Variants in PTPRN2 observed in about 807,000 individuals in gnomAD.
PTPRN2 encodes receptor-type tyrosine-protein phosphatase N2.
Under a neutral mutation model 118.8 loss-of-function variants are expected in PTPRN2, and 74 were observed. The observed-to-expected ratio is 0.62, with a 90% confidence interval of 0.52 to 0.76. The LOEUF is 0.76. Among genes scored for constraint, PTPRN2 ranks in the 30% least tolerant of loss-of-function variants. The pLI is 0.00. For synonymous variants in PTPRN2, 641 were observed against 608.0 expected, an observed-to-expected ratio of 1.05 and a Z score of -0.80; for missense variants, 1,481 against 1,394.4, an observed-to-expected ratio of 1.06 and a Z score of -0.99.
chr7:158,264,536 A>G (rs909963930), intron 3 of PTPRN2, among the ~76,000 whole-genome samples: 1 of 152,150 alleles, frequency 6.6e-6, no homozygotes, highest in African/African-American at 2.4e-5. Context: ...GTGCATGGGT[A>G]CCTGCAGCAG....
intron 7 of PTPRN2, among the ~76,000 whole-genome samples, chr7:158,137,219 T>C (rs867474417): frequency 4.6e-5 from 7 of 151,866 alleles, no homozygotes; most frequent in Non-Finnish European, 7.4e-5. Flanking sequence ...GAGTTGGAGA[T>C]CAGCCTGGCC....
intron 14 of PTPRN2, among the ~76,000 whole-genome samples, chr7:157,646,675 A>G (rs919479359): frequency 2.0e-5 from 3 of 152,154 alleles, no homozygotes; most frequent in Admixed American, 1.3e-4. Context: ...AGTCTCAGGT[A>G]CAGAACAGAG....
intron 9 of PTPRN2, among the ~76,000 whole-genome samples, chr7:158,125,665 A>G (rs569683688): frequency 6.6e-6 from 1 of 152,320 alleles, no homozygotes; most frequent in South Asian, 2.1e-4. Context: ...AGCAAGTGAC[A>G]AGGCAGGGCA....
At chr7:158,048,938 C>G (rs1585270316) in intron 11 of PTPRN2, among the ~76,000 whole-genome samples, 1 of 139,824 alleles carries the variant, frequency 7.2e-6, no homozygotes, top group East Asian at 2.3e-4. Flanking sequence ...TCACCAACAC[C>G]ATCATCACTA....
At chr7:157,985,011 C>T (rs1234751502) in intron 11 of PTPRN2, among the ~76,000 whole-genome samples, 1 of 152,148 alleles carries the variant, frequency 6.6e-6, no homozygotes, top group East Asian at 1.9e-4. Flanking sequence ...TTTCCAAATC[C>T]CACCTGCAGG....
intron 11 of PTPRN2, among the ~76,000 whole-genome samples, chr7:157,938,110 A>G (rs1799829676): frequency 6.6e-6 from 1 of 152,222 alleles, no homozygotes. Flanking sequence ...TGCAGGGCAC[A>G]GTGCTCTGGT....
chr7:158,538,877 G>A (rs962341440), intron 1 of PTPRN2, among the ~76,000 whole-genome samples: 2 of 152,104 alleles, frequency 1.3e-5, no homozygotes, highest in Non-Finnish European at 2.9e-5. Context: ...ATGAGGGAAC[G>A]AAGACACGAC....
At chr7:158,102,545 C>T (rs1005960179) in intron 10 of PTPRN2, among the ~76,000 whole-genome samples, 2 of 152,192 alleles carry the variant, frequency 1.3e-5, no homozygotes, top group African/African-American at 4.8e-5. Context: ...CACCTCCACA[C>T]GTTCATCAGT....
chr7:158,572,179 A>C (rs920790465), intron 1 of PTPRN2, among the ~76,000 whole-genome samples: 1 of 152,206 alleles, frequency 6.6e-6, no homozygotes, highest in African/African-American at 2.4e-5. Flanking sequence ...TATTCAGTAC[A>C]ATGTTCTGAA....
At position 158,126,372 on chromosome 7, in the gene PTPRN2, G is replaced by A. The variant is rs369742711; in HGVS notation, c.1556+7305C>T. Reference sequence around the variant, plus strand: ...GCCACACCATCCCCGGAGAGCGGGCGGCGGAACTTCCTCTCCGCCACACCA... The same window carrying A: ...GCCACACCATCCCCGGAGAGCGGGCAGCGGAACTTCCTCTCCGCCACACCA... On this transcript the variant is annotated intron_variant, in intron 9 of 22. Transcript: ENST00000389418. Among the ~76,000 whole-genome samples, 30 of 24,342 alleles carry A rather than the reference G, an allele frequency of 1.2e-3. 3 individuals carry two copies. Among genetic ancestry groups the A allele is most frequent in the Admixed American group, 2.9e-3 (6 of 2,066 alleles). 16.0% of individuals were successfully genotyped at this position (24,342 alleles called of 152,430 possible).
intron 3 of PTPRN2, among the ~76,000 whole-genome samples, chr7:158,310,211 T>C (rs1369127244): frequency 6.6e-6 from 1 of 152,170 alleles, no homozygotes; most frequent in East Asian, 1.9e-4. Context: ...CTGGGAAACT[T>C]GTTGAGGCTG....
chr7:158,425,343 C>A (rs1429995965), intron 2 of PTPRN2, among the ~76,000 whole-genome samples: 1 of 118,756 alleles, frequency 8.4e-6, no homozygotes, highest in Non-Finnish European at 1.7e-5. Context: ...CTGAGGCCTG[C>A]GCACCGCCGG....
chr7:158,037,762 C>T (rs768553429), intron 11 of PTPRN2, among the ~76,000 whole-genome samples: 28 of 152,120 alleles, frequency 1.8e-4, no homozygotes, highest in African/African-American at 5.3e-4. Context: ...ATAAATTTGA[C>T]AAGCTCATCT....
At chr7:158,125,222 A>G (rs1246409452) in intron 9 of PTPRN2, among the ~76,000 whole-genome samples, 2 of 132,042 alleles carry the variant, frequency 1.5e-5, no homozygotes, top group Non-Finnish European at 3.2e-5. Flanking sequence ...AGTCCCTCCC[A>G]GGGCTGCCCC....
At chr7:158,117,830 C>T (rs1816850203) in intron 9 of PTPRN2, among the ~76,000 whole-genome samples, 1 of 151,672 alleles carries the variant, frequency 6.6e-6, no homozygotes, top group Non-Finnish European at 1.5e-5. Context: ...CAAAATTGCA[C>T]TTCAAAAGTG....
chr7:158,220,173 AAAT>A (rs766563131), intron 3 of PTPRN2, among the ~76,000 whole-genome samples: 1 of 152,144 alleles, frequency 6.6e-6, no homozygotes, highest in Non-Finnish European at 1.5e-5. Context: ...ATATGCCTCA[AAAT>A]AATAAGATCC....
In PTPRN2 at chr7:158,544,101, C is replaced by T. The variant is rs1286523541; in HGVS notation, c.112+43457G>A. Among the ~76,000 whole-genome samples the T allele has an allele frequency of 6.6e-6, 1 of 152,170 alleles. No individual in the cohort carries two copies. The highest frequency in any genetic ancestry group is 1.5e-5 in the Non-Finnish European group (1 of 68,032). On this transcript the variant is annotated intron_variant, in intron 1 of 22. Transcript: ENST00000389418. The surrounding 1 kb of genome is among the most constrained non-coding windows in gnomAD (Gnocchi z 4.2). ...TGAGTGCCCCACGCTCAGGAGTGCA[C>T]CCGGTGGAGGGGGATATGTACACCC...
At chr7:158,176,508 G>T (rs986140126) in intron 5 of PTPRN2, among the ~76,000 whole-genome samples, 2 of 152,198 alleles carry the variant, frequency 1.3e-5, no homozygotes, top group Admixed American at 6.5e-5. Context: ...CACGCCGAGT[G>T]AACAGAGGAA....
chr7:158,404,942 C>A (rs1272511654), intron 2 of PTPRN2, among the ~76,000 whole-genome samples: 2 of 140,054 alleles, frequency 1.4e-5, no homozygotes, highest in Non-Finnish European at 3.1e-5. Context: ...CCGGCCCCAG[C>A]TCCCCAGCTC....
Sources: gnomAD v4.1 joint callset for allele counts (sites outside exome capture counted in the v4.1 genomes callset) on GRCh38, gnomAD v4.1.1 for gene constraint, Gnocchi (gnomAD v3.1) non-coding constraint, MANE v1.5 for transcripts, NCBI Gene and HGNC (gene_info 2026-07-23, HGNC 2026-07-21) for gene names.